The following STARD4 variants were observed in gnomAD, a reference collection of about 807,000 sequenced individuals.
STARD4 encodes the protein StAR related lipid transfer domain containing 4.
In STARD4, 33 loss-of-function variants were observed where a neutral mutation model predicts 24.9. The ratio of observed to expected loss-of-function variants is 1.32; its 90% CI spans 1.00 to 1.77. STARD4 has a LOEUF of 1.77. Ranked by LOEUF, STARD4 falls within the 40% of genes most tolerant of loss-of-function variation. STARD4 has a pLI of 0.00. For synonymous variants in STARD4, 88 were observed against 77.4 expected (o/e 1.14, Z -0.72); for missense variants, 238 against 249.3 (o/e 0.95, Z 0.31).
At chr5:111,502,543 C>G (rs924114014) in intron 3 of STARD4, among the ~76,000 whole-genome samples, 3 of 151,906 alleles carry the variant, frequency 2.0e-5, no homozygotes, top group Non-Finnish European at 2.9e-5. Flanking sequence ...CCTGTAATCC[C>G]AGCACTTTGG....
chr5:111,507,021 C>T lies in STARD4; in HGVS notation c.105+308G>A, dbSNP rs975609202. ...CTATTCCAAACTCTCAAGTACTACA[C>T]TTTCTTAAATTAATAATGATACATT... On this transcript the variant is annotated intron_variant, in intron 2 of 5. Transcript: ENST00000296632. The surrounding 1 kb of genome is among the most constrained non-coding windows in gnomAD (Gnocchi z 4.4). Among the ~76,000 whole-genome samples, 10 of 152,152 alleles carry T rather than the reference C, an allele frequency of 6.6e-5. No individual in the cohort carries two copies. Among genetic ancestry groups the T allele is most frequent in the African/African-American group, 2.4e-4 (10 of 41,442 alleles).
chr5:111,501,515 G>A (rs1457261252), intron 4 of STARD4, among the ~76,000 whole-genome samples: 1 of 152,118 alleles, frequency 6.6e-6, no homozygotes, highest in Non-Finnish European at 1.5e-5. Context: ...AATAAAAATA[G>A]AAACAGGGCA....
At chr5:111,511,256 A>G (rs1182836454) in intron 1 of STARD4, among the ~76,000 whole-genome samples, 1 of 152,198 alleles carries the variant, frequency 6.6e-6, no homozygotes, top group African/African-American at 2.4e-5. Flanking sequence ...GAGCCAACTT[A>G]CTGTTCAAAC....
chr5:111,500,355 C>A, intron 5 of STARD4: 1 of 1,177,458 alleles, frequency 8.5e-7, no homozygotes, highest in Non-Finnish European at 1.0e-6. Context: ...CATCTTAGTA[C>A]TCCTTGGAAG....
chr5:111,504,157 T>C (rs1756671057), intron 3 of STARD4, among the ~76,000 whole-genome samples: 1 of 152,186 alleles, frequency 6.6e-6, no homozygotes, highest in Admixed American at 6.5e-5. Flanking sequence ...GGTTGGAAGA[T>C]ATACATCCCT....
intron 1 of STARD4, among the ~76,000 whole-genome samples, chr5:111,511,915 T>C (rs1046021378): frequency 6.6e-6 from 1 of 152,128 alleles, no homozygotes; most frequent in Non-Finnish European, 1.5e-5. Flanking sequence ...TGGGAAAACT[T>C]TGTCTCTTGT....
intron 3 of STARD4, among the ~76,000 whole-genome samples, chr5:111,505,856 C>T (rs145498950): frequency 7.9e-5 from 12 of 152,134 alleles, no homozygotes; most frequent in African/African-American, 2.4e-4. Context: ...ACAAAGGACA[C>T]GGACATTTTT....
rs1055803258 is a variant in STARD4, at chr5:111,506,354, G to A, written c.131C>T (p.Pro44Leu). 25 of 1,503,628 alleles carry A rather than the reference G, an allele frequency of 1.7e-5. No homozygotes were observed. Among genetic ancestry groups the A allele is most frequent in the East Asian group, 2.3e-5 (1 of 43,084 alleles). 93.1% of individuals were successfully genotyped at this position (1,503,628 alleles called of 1,614,324 possible). Residue 44 changes from proline (P) to leucine (L), a missense_variant, in exon 3 of 6, where the codon CCC (proline) becomes CTC (leucine). Physicochemically the swap from Pro to Leu is moderately conservative, Grantham distance 98. Transcript: ENST00000296632. ...CAGATATCCATTAAATTCTTCTGAG[G>A]GTTTTCTCCAAACAGTTACATCTTT... The part of the protein sequence containing the change: ...KTKDVTVWRK[P>L]SEEFNGYLYK...
chr5:111,502,183 A>G, intron 3 of STARD4, 95 bp from the exon 4 acceptor site: 1 of 1,438,348 alleles, frequency 7.0e-7, no homozygotes, highest in Non-Finnish European at 9.3e-7. Flanking sequence ...AAGGAAAAAA[A>G]TTAGGCCGGG....
chr5:111,504,886 T>C (rs1756734351), intron 3 of STARD4: 1 of 408,274 alleles, frequency 2.4e-6, no homozygotes, highest in African/African-American at 2.1e-5. Context: ...TGGCTCTCAA[T>C]AAACGTTGGT....
intron 3 of STARD4, among the ~76,000 whole-genome samples, chr5:111,506,062 C>T (rs1374833410): frequency 2.0e-5 from 3 of 151,842 alleles, no homozygotes; most frequent in Admixed American, 2.0e-4. Context: ...GGCACAGTGG[C>T]AGGTGCCTGT....
chr5:111,508,680 T>C (rs1049052437), intron 1 of STARD4, among the ~76,000 whole-genome samples: 7 of 152,172 alleles, frequency 4.6e-5, no homozygotes, highest in African/African-American at 1.4e-4. Flanking sequence ...TTTGTACTAG[T>C]TGTCGCTGCT....
At chr5:111,502,543 C>T (rs924114014) in intron 3 of STARD4, among the ~76,000 whole-genome samples, 1 of 151,906 alleles carries the variant, frequency 6.6e-6, no homozygotes, top group South Asian at 2.1e-4. Context: ...CCTGTAATCC[C>T]AGCACTTTGG....
In STARD4 at chr5:111,505,972, G is replaced by A. The variant is rs937105517; in HGVS notation, c.155+358C>T. On this transcript the variant is annotated intron_variant, in intron 3 of 5. Transcript: ENST00000296632. ...TCCCAGCAATTTGGGAAACCAAGGC[G>A]GGATGTCAGGAGCTCAAGACCAGCC... 3.3e-5 allele frequency among the ~76,000 whole-genome samples: 5 copies of A among 151,948 alleles called. No homozygotes were observed. The East Asian group carries it at 7.7e-4, about 24-fold the overall frequency.
At chr5:111,500,362 G>A in intron 5 of STARD4, 1 of 1,153,920 alleles carries the variant, frequency 8.7e-7, no homozygotes, top group African/African-American at 1.6e-5. Context: ...GTACTCCTTG[G>A]AAGCTACAAA....
Position 111,499,656 on chromosome 5 carries a change from A to C in STARD4, c.*230T>G, listed in dbSNP as rs1253107648. On this transcript the variant is annotated 3_prime_UTR_variant, in exon 6 of 6. Transcript: ENST00000296632. ...TGTGATCATACCACTGCCCTCCAGCATGGGCAACAGAGTGAGAGCCTGTCT... is the reference window on the plus strand; with the variant it reads ...TGTGATCATACCACTGCCCTCCAGCCTGGGCAACAGAGTGAGAGCCTGTCT... 5 of 516,140 alleles carry C rather than the reference A, an allele frequency of 9.7e-6. No individual in the cohort carries two copies. The highest frequency in any genetic ancestry group is 1.4e-5 in the Non-Finnish European group (4 of 288,634). 32.0% of individuals were successfully genotyped at this position (516,140 alleles called of 1,614,324 possible).
rs1482655336 is a variant in STARD4 at position 111,497,729 on chromosome 5, CAATT to C, written c.*2153_*2156del. ...AGCATTGCTATAGAAGCAGCGGACTCAATTATTTATGTTAATATCCATCCCAACC... is the reference window on the plus strand; with the variant it reads ...AGCATTGCTATAGAAGCAGCGGACTCATTTATGTTAATATCCATCCCAACC... On this transcript the variant is annotated 3_prime_UTR_variant, in exon 6 of 6. Coordinates refer to ENST00000296632, the MANE Select transcript of STARD4 (RefSeq NM_139164.3). 6.6e-6 allele frequency: 1 copy of C among 151,966 alleles called. No individual in the cohort carries two copies. Among genetic ancestry groups the C allele is most frequent in the East Asian group, 1.9e-4 (1 of 5,198 alleles). 9.4% of individuals were successfully genotyped at this position (151,966 alleles called of 1,614,324 possible).
intron 2 of STARD4, 23 bp from the exon 3 acceptor site, chr5:111,506,402 T>C: frequency 1.6e-6 from 2 of 1,222,210 alleles, no homozygotes; most frequent in Non-Finnish European, 2.3e-6. Flanking sequence ...AAACATTATA[T>C]GGTAATAATT....
chr5:111,511,248 G>A (rs1757248669), intron 1 of STARD4, among the ~76,000 whole-genome samples: 2 of 151,934 alleles, frequency 1.3e-5, no homozygotes, highest in Admixed American at 1.3e-4. Context: ...TGAATAGTGA[G>A]CCAACTTACT....
Sources: allele counts gnomAD v4.1 joint callset (sites outside exome capture counted in the v4.1 genomes callset), GRCh38; gene constraint gnomAD v4.1.1; non-coding constraint Gnocchi (gnomAD v3.1); transcripts MANE v1.5; gene names NCBI Gene and HGNC (gene_info 2026-07-23, HGNC 2026-07-21).